The following PAX6 variants were observed in gnomAD, a reference collection of about 807,000 sequenced individuals.
PAX6 encodes the protein paired box protein Pax-6.
In PAX6, 7 loss-of-function variants were observed where a neutral mutation model predicts 60.7. The observed-to-expected ratio is 0.12, with a 90% confidence interval of 0.07 to 0.22. PAX6 has a LOEUF of 0.22. Ranked by LOEUF, PAX6 falls within the 10% of genes least tolerant of loss-of-function variation. The pLI is 1.00. For missense variants in PAX6, 355 were observed against 555.2 expected, an observed-to-expected ratio of 0.64 and a Z score of 3.62; for synonymous variants, 208 against 201.2, an observed-to-expected ratio of 1.03 and a Z score of -0.29.
chr11:31,807,969 A>C (rs956470716), intron 2 of PAX6: 6 of 152,172 alleles, frequency 3.9e-5, no homozygotes, highest in African/African-American at 1.4e-4. Context: ...TCTTGTTGTA[A>C]ATATCTGGAG....
At chr11:31,801,937 A>G in intron 5 of PAX6, 25 bp from the exon 6 acceptor site, 2 of 1,596,826 alleles carry the variant, frequency 1.3e-6, no homozygotes, top group Admixed American at 1.7e-5. Flanking sequence ...TATACCTTCA[A>G]TGGTATGAGA....
At chr11:31,800,638 A>C in intron 8 of PAX6, 53 bp downstream of exon 8, 1 of 1,599,980 alleles carries the variant, frequency 6.3e-7, no homozygotes, top group Non-Finnish European at 8.6e-7. Flanking sequence ...AGTAGGGGAC[A>C]GGCAAAGGGA....
Position 31,800,870 on chromosome 11 carries a change from C to A in PAX6, c.400-14G>T. Reference sequence around the variant, plus strand: ...TATTGATGACACCTGCAAATCAAACCAAAATCAAACCAAATGGTAGTGTCT... The same window carrying A: ...TATTGATGACACCTGCAAATCAAACAAAAATCAAACCAAATGGTAGTGTCT... On this transcript the variant is annotated splice_polypyrimidine_tract_variant and intron_variant, in intron 7 of 13. Coordinates refer to ENST00000640368, the MANE Select transcript of PAX6 (RefSeq NM_001368894.2). 4 of 1,612,474 alleles carry A rather than the reference C, an allele frequency of 2.5e-6. No homozygotes were observed. Among genetic ancestry groups the A allele is most frequent in the East Asian group, 4.5e-5 (2 of 44,882 alleles).
upstream of PAX6, among the ~76,000 whole-genome samples, chr11:31,815,808 A>G (rs895046118): frequency 1.3e-5 from 2 of 152,172 alleles, no homozygotes; most frequent in Non-Finnish European, 2.9e-5. Flanking sequence ...TTTGAAAACA[A>G]TTCGGCGCTT....
intron 4 of PAX6, 150 bp from the exon 5 acceptor site, chr11:31,802,984 G>C: frequency 2.4e-5 from 19 of 777,466 alleles, no homozygotes; most frequent in Non-Finnish European, 3.2e-5. Context: ...AGAGGAGGAG[G>C]AGACAACCAC....
In PAX6 at chr11:31,789,912, C is replaced by CTTTTTT. The variant is rs759391101; in HGVS notation, c.*16_*21dup. 871 of 1,045,150 alleles carry CTTTTTT rather than the reference C, an allele frequency of 8.3e-4. 4 individuals carry two copies. Among genetic ancestry groups the CTTTTTT allele is most frequent in the African/African-American group, 2.7e-3 (127 of 46,364 alleles). 64.7% of individuals were successfully genotyped at this position (1,045,150 alleles called of 1,614,324 possible). A position where few individuals can be genotyped will look rare whatever the true frequency, so the allele number is the denominator to read the frequency against. ...CTGAATTAACACAATATTTCCTTTC[C>CTTTTTT]TTTTTTTTTTTTTTTTTTTTTTTAC... On this transcript the variant is annotated 3_prime_UTR_variant, in exon 14 of 14. Transcript: ENST00000640368.
chr11:31,790,466 T>C (rs1949538004), intron 13 of PAX6: 1 of 1,369,212 alleles, frequency 7.3e-7, no homozygotes, highest in South Asian at 1.5e-5. Context: ...ACTTGCAGTC[T>C]CAGGCCTTGT....
At chr11:31,802,681 T>C (rs1592561469) in intron 5 of PAX6, 23 bp downstream of exon 5, 1 of 1,597,508 alleles carries the variant, frequency 6.3e-7, no homozygotes, top group Non-Finnish European at 8.5e-7. Flanking sequence ...GGGCGGCGAG[T>C]GGGGCGGCGC....
At chr11:31,802,546 A>C in intron 5 of PAX6, 158 bp downstream of exon 5, 2 of 633,856 alleles carry the variant, frequency 3.2e-6, no homozygotes, top group South Asian at 2.1e-5. Flanking sequence ...GGAGAGGGGA[A>C]AGTGGGAAGG....
rs1190652112 is a variant in PAX6, at chr11:31,802,686, C to T, written c.141+18G>A. On this transcript the variant is annotated intron_variant, in intron 5 of 13. Coordinates refer to ENST00000640368, the MANE Select transcript of PAX6 (RefSeq NM_001368894.2). ...AGGGCCGCGGGGGCGGCGAGTGGGG[C>T]GGCGCCGGGAGGATCACCTGCAGAA... The T allele has an allele frequency of 3.7e-6, 6 of 1,605,138 alleles. No homozygotes were observed. Among genetic ancestry groups the T allele is most frequent in the Non-Finnish European group, 5.1e-6 (6 of 1,175,470 alleles).
rs1226723188 is a variant in PAX6, at chr11:31,801,287, C to G, written c.399+274G>C. 3.6e-6 allele frequency: 5 copies of G among 1,403,242 alleles called. No individual in the cohort carries two copies. In the East Asian group the frequency reaches 1.4e-4, roughly 38 times the overall value. 86.9% of individuals were successfully genotyped at this position (1,403,242 alleles called of 1,614,324 possible). A position where few individuals can be genotyped will look rare whatever the true frequency, so the allele number is the denominator to read the frequency against. On this transcript the variant is annotated intron_variant, in intron 7 of 13. Transcript: ENST00000640368. ...GAAGTTACAATCTGGTTCTCATTTT[C>G]CTTCTTCATTCAAGTGCCTTTCCCT...
chr11:31,815,383 C>T (rs1446202940), upstream of PAX6, among the ~76,000 whole-genome samples: 1 of 152,216 alleles, frequency 6.6e-6, no homozygotes, highest in Non-Finnish European at 1.5e-5. Flanking sequence ...AAGGCCACCT[C>T]AGTCCCTTCT....
intron 8 of PAX6, 151 bp downstream of exon 8, chr11:31,800,540 A>G (rs1953355647): frequency 1.1e-6 from 1 of 936,268 alleles, no homozygotes; most frequent in African/African-American, 1.6e-5. Flanking sequence ...CCTACATACA[A>G]TGTGGTCGAT....
chr11:31,809,795 G>C (rs1458896641), intron 2 of PAX6: 3 of 152,172 alleles, frequency 2.0e-5, no homozygotes, highest in Admixed American at 2.0e-4. Flanking sequence ...AAACATAAGG[G>C]GATTCGGAGT....
upstream of PAX6, among the ~76,000 whole-genome samples, chr11:31,816,083 C>T (rs1216660542): frequency 1.3e-5 from 2 of 152,250 alleles, no homozygotes; most frequent in Admixed American, 6.5e-5. Context: ...TCCTCAGGCC[C>T]GGCTCTGGCG....
intron 5 of PAX6, 102 bp from the exon 6 acceptor site, chr11:31,802,014 T>C: frequency 2.1e-6 from 2 of 950,518 alleles, no homozygotes; most frequent in Admixed American, 4.4e-5. Context: ...AATATGATGA[T>C]ACTTTCAAAC....
chr11:31,790,169 A>G (rs1949413129), intron 13 of PAX6, 150 bp from the exon 14 acceptor site: 1 of 659,084 alleles, frequency 1.5e-6, no homozygotes, highest in Non-Finnish European at 2.6e-6. Flanking sequence ...TTCAATTGTT[A>G]CAAATAAAAG....
At chr11:31,798,894 G>T (rs986279407) in intron 8 of PAX6, among the ~76,000 whole-genome samples, 1 of 152,214 alleles carries the variant, frequency 6.6e-6, no homozygotes, top group African/African-American at 2.4e-5. Context: ...TCCAAGAAGC[G>T]GAAGGGGGGT....
intron 2 of PAX6, among the ~76,000 whole-genome samples, chr11:31,809,060 T>C (rs1956489960): frequency 6.6e-6 from 1 of 152,140 alleles, no homozygotes. Flanking sequence ...AATGCTGTTC[T>C]TTTTTTAATT....
Sources: gnomAD v4.1 joint callset for allele counts (sites outside exome capture counted in the v4.1 genomes callset) on GRCh38, gnomAD v4.1.1 for gene constraint, MANE v1.5 for transcripts, NCBI Gene and HGNC (gene_info 2026-07-23, HGNC 2026-07-21) for gene names.